The following LRRC1 variants were observed in gnomAD, a reference collection of about 807,000 sequenced individuals.
LRRC1 encodes the protein leucine-rich repeat-containing protein 1.
Under a neutral mutation model 69.9 loss-of-function variants are expected in LRRC1, and 28 were observed. That is an observed-to-expected ratio of 0.40 (90% CI 0.30 to 0.55). The LOEUF is 0.55. LRRC1 is among the 20% of genes least tolerant of loss of function. The pLI is 0.47. For synonymous variants in LRRC1, 236 were observed against 240.2 expected (o/e 0.98, Z 0.16); for missense variants, 498 against 609.0 (o/e 0.82, Z 1.92).
At chr6:53,799,004 C>T (rs1764387546) in intron 1 of LRRC1, among the ~76,000 whole-genome samples, 1 of 152,314 alleles carries the variant, frequency 6.6e-6, no homozygotes, top group Non-Finnish European at 1.5e-5. Flanking sequence ...CAGTGTGCAC[C>T]AGTTCTCAGA....
At chr6:53,828,077 G>A (rs946275701) in intron 1 of LRRC1, among the ~76,000 whole-genome samples, 1 of 151,548 alleles carries the variant, frequency 6.6e-6, no homozygotes, top group African/African-American at 2.4e-5. Flanking sequence ...TCCTATGCAT[G>A]TGGAAGTGCA....
chr6:53,853,888 C>T (rs1437603176), intron 2 of LRRC1, among the ~76,000 whole-genome samples: 1 of 152,122 alleles, frequency 6.6e-6, no homozygotes, highest in African/African-American at 2.4e-5. Context: ...AAAATCATCC[C>T]GTGATCCTTT....
Position 53,888,770 on chromosome 6 carries a change from A to G in LRRC1, c.446+5794A>G, listed in dbSNP as rs537429802. 2.4e-4 allele frequency among the ~76,000 whole-genome samples: 37 copies of G among 152,334 alleles called. No homozygotes were observed. In the South Asian group the frequency reaches 7.2e-3, roughly 30 times the overall value. ...AACTGTAAAAGTCCTGTAAGAAAACAGGGGTAAATCTTTGTGACATTGGAT... is the reference window on the plus strand; with the variant it reads ...AACTGTAAAAGTCCTGTAAGAAAACGGGGGTAAATCTTTGTGACATTGGAT... On this transcript the variant is annotated intron_variant, in intron 4 of 13. Coordinates refer to ENST00000370888, the MANE Select transcript of LRRC1 (RefSeq NM_018214.5).
intron 1 of LRRC1, among the ~76,000 whole-genome samples, chr6:53,814,829 G>A (rs1235545205): frequency 6.6e-6 from 1 of 152,162 alleles, no homozygotes; most frequent in African/African-American, 2.4e-5. Context: ...GGCCCTTTGA[G>A]CTCTGGATAT....
At chr6:53,873,417 G>A (rs897677278) in intron 2 of LRRC1, among the ~76,000 whole-genome samples, 6 of 149,360 alleles carry the variant, frequency 4.0e-5, no homozygotes, top group South Asian at 2.1e-4. Flanking sequence ...TCAGCCTCCC[G>A]AATAGCTGGG....
At chr6:53,880,159 A>AT (rs962449441) in intron 3 of LRRC1, among the ~76,000 whole-genome samples, 2 of 152,030 alleles carry the variant, frequency 1.3e-5, no homozygotes, top group African/African-American at 4.8e-5. Context: ...ATTTAGTTTT[A>AT]TTTTTCCAAT....
chr6:53,921,443 C>T (rs1768740503), intron 13 of LRRC1, among the ~76,000 whole-genome samples: 1 of 152,140 alleles, frequency 6.6e-6, no homozygotes, highest in African/African-American at 2.4e-5. Flanking sequence ...GACTTAGTGC[C>T]AGACCTCTGT....
intron 1 of LRRC1, among the ~76,000 whole-genome samples, chr6:53,822,225 A>C (rs530862445): frequency 3.9e-4 from 59 of 152,286 alleles, no homozygotes; most frequent in Middle Eastern, 3.4e-3. Flanking sequence ...AGGATACAGC[A>C]ATAGTGAAGG....
intron 4 of LRRC1, among the ~76,000 whole-genome samples, chr6:53,894,614 G>A (rs760216149): frequency 2.6e-5 from 4 of 152,172 alleles, no homozygotes; most frequent in Non-Finnish European, 5.9e-5. Context: ...TGTGAAAATA[G>A]CTGAGGGATT....
Position 53,875,113 on chromosome 6 carries a change from G to A in LRRC1, c.278-3880G>A, listed in dbSNP as rs542434518. 6.6e-5 allele frequency among the ~76,000 whole-genome samples: 10 copies of A among 152,244 alleles called. No homozygotes were observed. In the East Asian group the frequency reaches 9.7e-4, roughly 15 times the overall value. ...TATAAGTGGGCATAAGTTGCTGCTC[G>A]CAAAAGCAATTTAACAATATTTTTC... is the stretch of plus-strand genomic sequence containing the variant. On this transcript the variant is annotated intron_variant, in intron 2 of 13. Transcript: ENST00000370888.
rs60487267 is a variant in LRRC1, at chr6:53,807,747, TCAACAACAACAACAACAACAA to T, written c.159+12347_159+12367del. ...GCAACAAGAGTGAAACTCCGTGTCG[TCAACAACAACAACAACAACAA>T]CAACAACAACAACACCCCCCAAAAC... On this transcript the variant is annotated intron_variant, in intron 1 of 13. Transcript: ENST00000370888. Among the ~76,000 whole-genome samples, 1,009 of 150,562 alleles carry T rather than the reference TCAACAACAACAACAACAACAA, an allele frequency of 6.7e-3. 10 individuals are homozygous for T. Among genetic ancestry groups the T allele is most frequent in the African/African-American group, 0.024 (972 of 41,022 alleles).
intron 2 of LRRC1, among the ~76,000 whole-genome samples, chr6:53,855,184 C>T (rs73430280): frequency 1.3e-5 from 2 of 152,210 alleles, no homozygotes; most frequent in South Asian, 2.1e-4. Flanking sequence ...AAAAGATACT[C>T]TGAAGCAATC....
intron 10 of LRRC1, among the ~76,000 whole-genome samples, chr6:53,907,734 CA>C (rs144014995): frequency 7.6e-5 from 11 of 145,262 alleles, no homozygotes; most frequent in African/African-American, 2.5e-4. Flanking sequence ...CTTCTAAATT[CA>C]TTTTTTTTTT....
At chr6:53,796,823 A>G (rs1051994285) in intron 1 of LRRC1, among the ~76,000 whole-genome samples, 56 of 152,318 alleles carry the variant, frequency 3.7e-4, no homozygotes, top group African/African-American at 1.3e-3. Context: ...ATTTTCAAAC[A>G]CATGATTTTT....
chr6:53,812,737 G>T (rs1462406687), intron 1 of LRRC1, among the ~76,000 whole-genome samples: 1 of 150,800 alleles, frequency 6.6e-6, no homozygotes, highest in Non-Finnish European at 1.5e-5. Context: ...GGGGAAGGAT[G>T]CTTGTGGATA....
At chr6:53,856,867 G>A (rs747577737) in intron 2 of LRRC1, among the ~76,000 whole-genome samples, 9 of 152,238 alleles carry the variant, frequency 5.9e-5, no homozygotes, top group Non-Finnish European at 1.2e-4. Flanking sequence ...GCCTTGAGAG[G>A]GGATCAGTAG....
At chr6:53,823,527 G>T (rs186533881) in intron 1 of LRRC1, among the ~76,000 whole-genome samples, 310 of 152,142 alleles carry the variant, frequency 2.0e-3, no homozygotes, top group Non-Finnish European at 2.9e-3. Flanking sequence ...AAGTTCAAGG[G>T]TACATGTGCA....
intron 1 of LRRC1, among the ~76,000 whole-genome samples, chr6:53,838,880 G>A (rs1258169860): frequency 6.6e-6 from 1 of 152,052 alleles, no homozygotes; most frequent in Non-Finnish European, 1.5e-5. Flanking sequence ...AAAAAATATG[G>A]TTTTTAAATT....
At chr6:53,864,106 T>C (rs1766617424) in intron 2 of LRRC1, among the ~76,000 whole-genome samples, 1 of 152,128 alleles carries the variant, frequency 6.6e-6, no homozygotes, top group African/African-American at 2.4e-5. Flanking sequence ...CACGGATTCC[T>C]GACAGCCAGG....
Sources: gnomAD v4.1 joint callset for allele counts (sites outside exome capture counted in the v4.1 genomes callset) on GRCh38, gnomAD v4.1.1 for gene constraint, MANE v1.5 for transcripts, NCBI Gene and HGNC (gene_info 2026-07-23, HGNC 2026-07-21) for gene names.